Variants in PARP8 observed in about 807,000 individuals in gnomAD.
PARP8 encodes protein mono-ADP-ribosyltransferase PARP8.
A neutral mutation model predicts 124.1 loss-of-function variants in PARP8; 51 were observed. The observed-to-expected ratio is 0.41, with a 90% confidence interval of 0.33 to 0.52. The LOEUF (loss-of-function observed/expected upper bound fraction) is 0.52, where lower values mean the gene tolerates loss of function less well. Ranked by LOEUF, PARP8 falls within the 20% of genes least tolerant of loss-of-function variation. The pLI, the probability that PARP8 is intolerant of heterozygous loss-of-function variation, is 0.21. For missense variants in PARP8, 860 were observed against 1,018.9 expected, an observed-to-expected ratio of 0.84 and a Z score of 2.12; for synonymous variants, 391 against 361.5, an observed-to-expected ratio of 1.08 and a Z score of -0.93.
At chr5:50,768,698 A>G (rs1334184931) in intron 7 of PARP8, among the ~76,000 whole-genome samples, 1 of 152,206 alleles carries the variant, frequency 6.6e-6, no homozygotes, top group East Asian at 1.9e-4. Context: ...TCATATTTCA[A>G]GCATTCAACT....
intron 9 of PARP8, among the ~76,000 whole-genome samples, chr5:50,784,452 A>T (rs1480942129): frequency 1.3e-5 from 2 of 152,142 alleles, no homozygotes; most frequent in Non-Finnish European, 2.9e-5. Context: ...CTCAAGGACA[A>T]AGCTGTTTCT....
chr5:50,757,110 A>C, intron 3 of PARP8: 1 of 452,816 alleles, frequency 2.2e-6, no homozygotes, highest in Non-Finnish European at 4.4e-6. Flanking sequence ...AGTTGTTTCC[A>C]CTTCTTAGCT....
chr5:50,735,125 G>T (rs1363313473), intron 2 of PARP8, among the ~76,000 whole-genome samples: 3 of 152,006 alleles, frequency 2.0e-5, no homozygotes, highest in Non-Finnish European at 2.9e-5. Context: ...ACTATAATAG[G>T]ATTCTGGTGT....
intron 14 of PARP8, among the ~76,000 whole-genome samples, chr5:50,802,533 G>C (rs1580392218): frequency 6.6e-6 from 1 of 152,192 alleles, no homozygotes; most frequent in East Asian, 1.9e-4. Context: ...ATGTTGAGCA[G>C]GCTAGTCTTG....
intron 1 of PARP8, chr5:50,667,765 T>TC (rs1276708598): frequency 2.7e-6 from 2 of 747,774 alleles, no homozygotes; most frequent in East Asian, 5.3e-5. Context: ...TCCATTTTGC[T>TC]CCCCCGGGAT....
At chr5:50,741,823 T>A (rs754719645) in intron 2 of PARP8, 7 of 438,740 alleles carry the variant, frequency 1.6e-5, no homozygotes, top group South Asian at 1.1e-4. Context: ...TCTTTTTTTT[T>A]TTTTTAGGTA....
intron 7 of PARP8, among the ~76,000 whole-genome samples, 199 bp downstream of exon 7, chr5:50,763,441 T>C (rs1301905462): frequency 1.3e-5 from 2 of 152,208 alleles, no homozygotes; most frequent in Non-Finnish European, 2.9e-5. Flanking sequence ...ATTACATTGA[T>C]TGCATTAAAA....
In PARP8 at chr5:50,696,761, C is replaced by T. The variant is rs532809971; in HGVS notation, c.146+28636C>T. Among the ~76,000 whole-genome samples, 12 of 152,090 alleles carry T rather than the reference C, an allele frequency of 7.9e-5. No individual in the cohort carries two copies. In the South Asian group the frequency reaches 2.5e-3, roughly 32 times the overall value. On this transcript the variant is annotated intron_variant, in intron 2 of 25. Coordinates refer to ENST00000281631, the MANE Select transcript of PARP8 (RefSeq NM_024615.4). Reference sequence around the variant, plus strand: ...AGGTTTCTCTATTTCTCTATTTGTACTTCTTTATCTGCTTGCCCCCTAATC... The same window carrying T: ...AGGTTTCTCTATTTCTCTATTTGTATTTCTTTATCTGCTTGCCCCCTAATC...
At chr5:50,755,371 A>G (rs2149564987) in intron 3 of PARP8, among the ~76,000 whole-genome samples, 1 of 152,284 alleles carries the variant, frequency 6.6e-6, no homozygotes, top group Non-Finnish European at 1.5e-5. Flanking sequence ...GGTGTAAGGA[A>G]AGGATCCAGT....
intron 2 of PARP8, among the ~76,000 whole-genome samples, chr5:50,691,953 A>G (rs1204550923): frequency 6.6e-6 from 1 of 152,112 alleles, no homozygotes; most frequent in Non-Finnish European, 1.5e-5. Flanking sequence ...TATCAGTCAA[A>G]TGGCTGATAC....
intron 6 of PARP8, among the ~76,000 whole-genome samples, chr5:50,762,120 G>A (rs1456722092): frequency 2.0e-5 from 3 of 152,098 alleles, no homozygotes; most frequent in Admixed American, 6.5e-5. Flanking sequence ...TTACATTGAA[G>A]TCATCTTAAT....
intron 2 of PARP8, among the ~76,000 whole-genome samples, chr5:50,739,725 TATATATA>T (rs1272313803): frequency 9.2e-6 from 1 of 108,324 alleles, no homozygotes; most frequent in African/African-American, 3.7e-5. Flanking sequence ...TATATATATA[TATATATA>T]TTTTTTTTTT....
At chr5:50,822,811 A>G (rs1429139467) in intron 17 of PARP8, among the ~76,000 whole-genome samples, 2 of 152,204 alleles carry the variant, frequency 1.3e-5, no homozygotes, top group Non-Finnish European at 2.9e-5. Context: ...TATAATGCAA[A>G]ATCCCAAAAC....
chr5:50,668,615 G>A (rs1333022642), intron 2 of PARP8: 3 of 153,192 alleles, frequency 2.0e-5, no homozygotes, highest in African/African-American at 7.3e-5. Context: ...GTGGTATTTC[G>A]GTTTTCACGT....
At chr5:50,839,600 T>C (rs1308988137) in intron 25 of PARP8, among the ~76,000 whole-genome samples, 5 of 151,926 alleles carry the variant, frequency 3.3e-5, no homozygotes, top group African/African-American at 1.2e-4. Flanking sequence ...TCCTTGTGGG[T>C]TTCCTAGACA....
intron 25 of PARP8, among the ~76,000 whole-genome samples, chr5:50,836,706 TAATTTAGCACAATGCAGG>T (rs1378359972): frequency 6.6e-6 from 1 of 152,192 alleles, no homozygotes; most frequent in Non-Finnish European, 1.5e-5. Context: ...TTATGAGGAT[TAATTTAGCACAATGCAGG>T]TCTTGGCCAC....
intron 25 of PARP8, among the ~76,000 whole-genome samples, chr5:50,836,951 A>G (rs1580516444): frequency 2.0e-5 from 3 of 152,274 alleles, no homozygotes; most frequent in African/African-American, 7.2e-5. Context: ...CTAAAATTCA[A>G]ATTAATTGAG....
chr5:50,747,582 T>C (rs1314560454), intron 2 of PARP8, among the ~76,000 whole-genome samples: 1 of 152,016 alleles, frequency 6.6e-6, no homozygotes, highest in African/African-American at 2.4e-5. Context: ...ACATTTATGA[T>C]TGGTATGACT....
intron 17 of PARP8, among the ~76,000 whole-genome samples, chr5:50,823,507 A>G (rs1268216363): frequency 3.9e-5 from 6 of 152,214 alleles, no homozygotes; most frequent in Non-Finnish European, 2.9e-5. Flanking sequence ...TTTCTGTATT[A>G]TCTGAATTCT....
Sources: gnomAD v4.1 joint callset for allele counts (sites outside exome capture counted in the v4.1 genomes callset) on GRCh38, gnomAD v4.1.1 for gene constraint, MANE v1.5 for transcripts, NCBI Gene and HGNC (gene_info 2026-07-23, HGNC 2026-07-21) for gene names.